Variants in GRIK2 observed in about 807,000 individuals in gnomAD.
The protein encoded by GRIK2 is glutamate receptor ionotropic, kainate 2.
GRIK2 carries 32 observed loss-of-function variants against 100.3 expected under a neutral mutation model. That is an observed-to-expected ratio of 0.32 (90% CI 0.24 to 0.43). The LOEUF is 0.43. Among genes scored for constraint, GRIK2 ranks in the 20% least tolerant of loss-of-function variants. The pLI, the probability that GRIK2 is intolerant of heterozygous loss-of-function variation, is 1.00. For synonymous variants in GRIK2, 417 were observed against 389.4 expected (o/e 1.07, Z -0.83); for missense variants, 843 against 1,114.9 (o/e 0.76, Z 3.47).
At chr6:101,665,653 G>A (rs1331689122) in intron 4 of GRIK2, among the ~76,000 whole-genome samples, 2 of 152,086 alleles carry the variant, frequency 1.3e-5, no homozygotes, top group Non-Finnish European at 1.5e-5. Context: ...AAATATATAG[G>A]AGCAATACTA....
chr6:101,423,794 A>T (rs1038144478), intron 2 of GRIK2, among the ~76,000 whole-genome samples: 4 of 152,122 alleles, frequency 2.6e-5, no homozygotes, highest in African/African-American at 9.7e-5. Context: ...GAACTACCTT[A>T]TGATCAGTCA....
At chr6:101,909,919 T>C (rs577771115) in intron 12 of GRIK2, among the ~76,000 whole-genome samples, 57 of 151,248 alleles carry the variant, frequency 3.8e-4, no homozygotes, top group Admixed American at 1.8e-3. Context: ...AATAATATAA[T>C]GCAGCACTAT....
intron 11 of GRIK2, among the ~76,000 whole-genome samples, chr6:101,874,879 C>G (rs1582431596): frequency 6.6e-6 from 1 of 152,008 alleles, no homozygotes; most frequent in South Asian, 2.1e-4. Context: ...GGAGTTCACT[C>G]ATGATTTGGC....
intron 7 of GRIK2, among the ~76,000 whole-genome samples, chr6:101,788,612 G>A (rs1293365422): frequency 1.3e-5 from 2 of 152,096 alleles, no homozygotes; most frequent in Non-Finnish European, 2.9e-5. Flanking sequence ...GTCTATCATT[G>A]TTGGACATTT....
At chr6:101,813,874 G>C (rs565101745) in intron 9 of GRIK2, among the ~76,000 whole-genome samples, 1 of 151,356 alleles carries the variant, frequency 6.6e-6, no homozygotes, top group East Asian at 1.9e-4. Context: ...GAGGTGGGGA[G>C]AATTGCTTGA....
intron 15 of GRIK2, among the ~76,000 whole-genome samples, chr6:102,039,543 T>TTGTC (rs1455681761): frequency 6.6e-6 from 1 of 151,476 alleles, no homozygotes; most frequent in Non-Finnish European, 1.5e-5. Context: ...AGGTGCCGTC[T>TTGTC]TGTCTCTTAT....
intron 14 of GRIK2, among the ~76,000 whole-genome samples, chr6:102,012,151 CTATATT>C (rs1168152041): frequency 6.6e-6 from 1 of 152,006 alleles, no homozygotes; most frequent in Non-Finnish European, 1.5e-5. Flanking sequence ...GATTAGGTGA[CTATATT>C]TATGTTGGCA....
intron 7 of GRIK2, among the ~76,000 whole-genome samples, chr6:101,730,298 G>C (rs901274371): frequency 6.6e-6 from 1 of 151,936 alleles, no homozygotes; most frequent in Admixed American, 6.6e-5. Flanking sequence ...TTCTGTGTCA[G>C]TAAGAAAGAA....
intron 2 of GRIK2, among the ~76,000 whole-genome samples, chr6:101,507,009 G>C (rs1453318885): frequency 6.6e-6 from 1 of 152,050 alleles, no homozygotes; most frequent in East Asian, 1.9e-4. Context: ...GAAGTTTGGA[G>C]GCAGTTAAGA....
chr6:101,870,155 C>T (rs1785311104), intron 11 of GRIK2, among the ~76,000 whole-genome samples: 1 of 151,850 alleles, frequency 6.6e-6, no homozygotes, highest in Non-Finnish European at 1.5e-5. Context: ...TCTTTGTTCA[C>T]TGTAGATTAA....
intron 15 of GRIK2, among the ~76,000 whole-genome samples, chr6:102,044,655 G>C (rs921520342): frequency 1.3e-5 from 2 of 151,932 alleles, no homozygotes; most frequent in African/African-American, 4.8e-5. Flanking sequence ...ACAATACATG[G>C]GAATTATGGG....
chr6:101,536,136 T>A (rs1775679167), intron 2 of GRIK2, among the ~76,000 whole-genome samples: 1 of 151,638 alleles, frequency 6.6e-6, no homozygotes. Flanking sequence ...TAAAAAAGTT[T>A]TTTTGTGTAT....
chr6:101,468,355 T>G (rs905360634), intron 2 of GRIK2, among the ~76,000 whole-genome samples: 1 of 152,130 alleles, frequency 6.6e-6, no homozygotes, highest in African/African-American at 2.4e-5. Flanking sequence ...AAACATTCAG[T>G]TTTTTAAAGA....
intron 7 of GRIK2, among the ~76,000 whole-genome samples, chr6:101,785,702 C>T (rs775825349): frequency 5.3e-5 from 8 of 152,044 alleles, no homozygotes; most frequent in Non-Finnish European, 7.4e-5. Context: ...CAATACCATG[C>T]TGTTTTAGTT....
intron 4 of GRIK2, among the ~76,000 whole-genome samples, chr6:101,637,127 A>G (rs1688812526): frequency 6.6e-6 from 1 of 151,780 alleles, no homozygotes; most frequent in Non-Finnish European, 1.5e-5. Context: ...TTCTTAACTC[A>G]TGATGTTGTT....
chr6:101,715,706 G>T (rs908474713), intron 7 of GRIK2, among the ~76,000 whole-genome samples: 2 of 151,714 alleles, frequency 1.3e-5, no homozygotes, highest in Admixed American at 6.6e-5. Context: ...TGACAAATCA[G>T]CAGAGTTGCA....
At chr6:101,501,183 A>G (rs908044000) in intron 2 of GRIK2, among the ~76,000 whole-genome samples, 1 of 152,276 alleles carries the variant, frequency 6.6e-6, no homozygotes, top group Non-Finnish European at 1.5e-5. Flanking sequence ...TCTGTATTTC[A>G]GCATTAATGT....
chr6:101,402,316 C>T (rs1775357299), intron 2 of GRIK2, among the ~76,000 whole-genome samples: 1 of 152,172 alleles, frequency 6.6e-6, no homozygotes, highest in African/African-American at 2.4e-5. Flanking sequence ...ACACATGCGC[C>T]CTCCGGGTGC....
chr6:101,535,143 G>GAA (rs1021651411), intron 2 of GRIK2, among the ~76,000 whole-genome samples: 3 of 150,826 alleles, frequency 2.0e-5, no homozygotes, highest in African/African-American at 7.3e-5. Context: ...TCAGTCTTGT[G>GAA]AAAAAAAACA....
Sources: allele counts gnomAD v4.1 joint callset (sites outside exome capture counted in the v4.1 genomes callset), GRCh38; gene constraint gnomAD v4.1.1; transcripts MANE v1.5; gene names NCBI Gene and HGNC (gene_info 2026-07-23, HGNC 2026-07-21).